SGK1: variants seen among roughly 807,000 people sequenced by gnomAD.
The protein encoded by SGK1 is serum/glucocorticoid regulated kinase 1, also known as serine/threonine-protein kinase Sgk1.
SGK1 carries 26 observed loss-of-function variants against 64.2 expected under a neutral mutation model. That is an observed-to-expected ratio of 0.40 (90% CI 0.30 to 0.56). The LOEUF is 0.56. Ranked by LOEUF, SGK1 falls within the 20% of genes least tolerant of loss-of-function variation. The pLI is 0.38. For synonymous variants in SGK1, 265 were observed against 239.7 expected (o/e 1.11, Z -0.98); for missense variants, 519 against 645.6 (o/e 0.80, Z 2.12).
chr6:134,290,669 CATT>C (rs1464018846), intron 1 of SGK1, among the ~76,000 whole-genome samples: 1 of 152,120 alleles, frequency 6.6e-6, no homozygotes, highest in African/African-American at 2.4e-5. Context: ...TGGAGCTTCT[CATT>C]GTGCCTCAGA....
chr6:134,290,530 C>T (rs1161294847), intron 1 of SGK1, among the ~76,000 whole-genome samples: 1 of 151,448 alleles, frequency 6.6e-6, no homozygotes, highest in Non-Finnish European at 1.5e-5. Context: ...AATTAATGTT[C>T]CAAATAATGG....
chr6:134,258,398 T>C (rs1425328369), intron 2 of SGK1, among the ~76,000 whole-genome samples: 1 of 151,958 alleles, frequency 6.6e-6, no homozygotes, highest in African/African-American at 2.4e-5. Flanking sequence ...TTTTAACGAT[T>C]AAAATAATAA....
At chr6:134,254,534 G>C (rs900156080) in intron 2 of SGK1, among the ~76,000 whole-genome samples, 1 of 152,196 alleles carries the variant, frequency 6.6e-6, no homozygotes, top group South Asian at 2.1e-4. Flanking sequence ...TTCCCCAAAC[G>C]CACAAGTAAT....
intron 3 of SGK1, among the ~76,000 whole-genome samples, chr6:134,187,012 C>A (rs1775435968): frequency 1.3e-5 from 2 of 152,144 alleles, no homozygotes; most frequent in South Asian, 4.1e-4. Flanking sequence ...GACGGGGTTT[C>A]AGTATGTAGG....
intron 2 of SGK1, chr6:134,261,195 T>G (rs576705298): frequency 6.6e-6 from 1 of 152,208 alleles, no homozygotes; most frequent in East Asian, 1.9e-4. Flanking sequence ...AGAAAAATAA[T>G]GAAAAGTATA....
Position 134,172,196 on chromosome 6 carries a change from C to A in SGK1, c.1068G>T (p.Pro356=). 1 of 1,613,852 alleles carries A rather than the reference C, an allele frequency of 6.2e-7. No individual in the cohort carries two copies. Among genetic ancestry groups the A allele is most frequent in the South Asian group, 1.1e-5 (1 of 91,026 alleles). The change falls in exon 10 of 14, where the codon CCG becomes CCT. Residue 356 remains proline, a synonymous_variant. Transcript: ENST00000367858. ...ACCAAACCAAGACAGCGCCTACCTC[C>A]GGCGTGCCACAGAAGGTGGATGTTG... The part of the protein sequence containing the change: ...NSTTSTFCGT[P]EYLAPEVLHK...
At chr6:134,190,864 C>T (rs1191877368) in intron 3 of SGK1, among the ~76,000 whole-genome samples, 2 of 152,168 alleles carry the variant, frequency 1.3e-5, no homozygotes, top group African/African-American at 4.8e-5. Flanking sequence ...AGCTGGATTA[C>T]TTCTAGGAAT....
At position 134,193,656 on chromosome 6, in the gene SGK1, T is replaced by A. The variant is rs1399799155; in HGVS notation, c.361+13700A>T. ...GAAGTTGCTGTTGTTTTAGATTTTC[T>A]TTTTTTGAGTGAGATCTTCTCACTC... On this transcript the variant is annotated intron_variant, in intron 3 of 13. Coordinates refer to ENST00000367858, the MANE Select transcript of SGK1 (RefSeq NM_001143676.3). 4.0e-5 allele frequency among the ~76,000 whole-genome samples: 6 copies of A among 150,308 alleles called. No individual in the cohort carries two copies. In the Admixed American group the frequency reaches 4.0e-4, roughly 10 times the overall value.
At chr6:134,254,650 G>A (rs1004685360) in intron 2 of SGK1, among the ~76,000 whole-genome samples, 3 of 152,034 alleles carry the variant, frequency 2.0e-5, no homozygotes, top group Non-Finnish European at 4.4e-5. Context: ...CCTGGAAGGT[G>A]GTAATCACCA....
At chr6:134,190,271 G>C (rs1775488919) in intron 3 of SGK1, among the ~76,000 whole-genome samples, 3 of 149,162 alleles carry the variant, frequency 2.0e-5, no homozygotes, top group Non-Finnish European at 1.5e-5. Flanking sequence ...GTCATACATA[G>C]TTCCTTCCTT....
intron 2 of SGK1, among the ~76,000 whole-genome samples, chr6:134,241,238 T>C (rs1776443024): frequency 6.6e-6 from 1 of 151,962 alleles, no homozygotes; most frequent in East Asian, 1.9e-4. Context: ...TCTGTAGAGA[T>C]AGGGTTTCAC....
intron 3 of SGK1, among the ~76,000 whole-genome samples, chr6:134,203,167 C>T (rs1032299651): frequency 6.6e-6 from 1 of 152,166 alleles, no homozygotes; most frequent in Non-Finnish European, 1.5e-5. Flanking sequence ...TACTTGAACC[C>T]AGAAGGTGGA....
chr6:134,257,693 G>A (rs1023586873), intron 2 of SGK1, among the ~76,000 whole-genome samples: 2 of 152,186 alleles, frequency 1.3e-5, no homozygotes. Context: ...GAGAGGTTTT[G>A]TGGCTTGCCT....
At chr6:134,283,598 A>G (rs1460704116) in intron 1 of SGK1, among the ~76,000 whole-genome samples, 1 of 152,096 alleles carries the variant, frequency 6.6e-6, no homozygotes, top group African/African-American at 2.4e-5. Flanking sequence ...CTGTAATCCC[A>G]GCACATTGGG....
At position 134,174,037 on chromosome 6, in the gene SGK1, GCTC is replaced by G. The variant is rs1288944202; in HGVS notation, c.478_480del (p.Glu160del). The stretch of plus-strand genomic sequence containing the variant: ...GAAGGGTTGGCATTCATAAGCTCAG[GCTC>G]CTGAGGTTGGGAGATCTTCAAGATG... On this transcript the variant is annotated inframe_deletion, in exon 5 of 14. Coordinates refer to ENST00000367858, the MANE Select transcript of SGK1 (RefSeq NM_001143676.3). 1 of 1,613,426 alleles carries G rather than the reference GCTC, an allele frequency of 6.2e-7. No individual in the cohort carries two copies. The highest frequency in any genetic ancestry group is 1.1e-5 in the South Asian group (1 of 90,986).
intron 2 of SGK1, among the ~76,000 whole-genome samples, chr6:134,252,616 C>CAAAAAAAAAAA (rs11418007): frequency 3.0e-5 from 2 of 66,000 alleles, no homozygotes; most frequent in Non-Finnish European, 5.0e-5. Context: ...GATTCCACCT[C>CAAAAAAAAAAA]AAAAAAAAAA....
chr6:134,226,378 A>C (rs570334166), intron 2 of SGK1, among the ~76,000 whole-genome samples: 1 of 152,196 alleles, frequency 6.6e-6, no homozygotes, highest in African/African-American at 2.4e-5. Flanking sequence ...TTTACTTTTA[A>C]AGATTTTTAT....
chr6:134,315,686 A>G (rs1373399759), intron 1 of SGK1, among the ~76,000 whole-genome samples: 6 of 152,228 alleles, frequency 3.9e-5, no homozygotes, highest in Non-Finnish European at 7.3e-5. Flanking sequence ...AAGGCAATAG[A>G]GTTTAAATAC....
At chr6:134,257,242 C>G (rs1159894260) in intron 2 of SGK1, 1 of 152,338 alleles carries the variant, frequency 6.6e-6, no homozygotes, top group Non-Finnish European at 1.5e-5. Context: ...GCCTGACCAA[C>G]ATGGAGAAAC....
Sources: allele counts gnomAD v4.1 joint callset (sites outside exome capture counted in the v4.1 genomes callset), GRCh38; gene constraint gnomAD v4.1.1; transcripts MANE v1.5; gene names NCBI Gene and HGNC (gene_info 2026-07-23, HGNC 2026-07-21).